The following GABRB2 variants were observed in gnomAD, a reference collection of about 807,000 sequenced individuals.
GABRB2 encodes the protein gamma-aminobutyric acid type A receptor subunit beta2.
GABRB2 carries 16 observed loss-of-function variants against 54.7 expected under a neutral mutation model. The ratio of observed to expected loss-of-function variants is 0.29; its 90% CI spans 0.20 to 0.44. The LOEUF (loss-of-function observed/expected upper bound fraction) is 0.44, where lower values mean the gene tolerates loss of function less well. Among genes scored for constraint, GABRB2 ranks in the 20% least tolerant of loss-of-function variants. The pLI is 1.00. For missense variants in GABRB2, 355 were observed against 644.0 expected (o/e 0.55, Z 4.86); for synonymous variants, 244 against 233.8 (o/e 1.04, Z -0.40).
At chr5:161,493,812 C>G (rs964002286) in intron 3 of GABRB2, among the ~76,000 whole-genome samples, 5 of 151,686 alleles carry the variant, frequency 3.3e-5, no homozygotes, top group Non-Finnish European at 7.4e-5. Context: ...CATGGACTAT[C>G]TTTTTAGAAT....
chr5:161,357,583 T>C (rs1347167188), intron 5 of GABRB2, among the ~76,000 whole-genome samples: 1 of 151,686 alleles, frequency 6.6e-6, no homozygotes, highest in African/African-American at 2.4e-5. Flanking sequence ...AGCTTCTTTG[T>C]TGGGAATGTT....
At chr5:161,308,538 G>A (rs949199637) in intron 9 of GABRB2, among the ~76,000 whole-genome samples, 2 of 152,054 alleles carry the variant, frequency 1.3e-5, no homozygotes, top group African/African-American at 2.4e-5. Context: ...GTACCAAAAA[G>A]GAGCCCAAAT....
rs1354559282 is a variant in GABRB2, at chr5:161,292,183, A to C, written c.*1898T>G. 1 of 152,236 alleles carries C rather than the reference A, an allele frequency of 6.6e-6. No homozygotes were observed. The highest frequency in any genetic ancestry group is 2.4e-5 in the African/African-American group (1 of 41,466). 9.4% of individuals were successfully genotyped at this position (152,236 alleles called of 1,614,324 possible). ...TGTTGTTCTTGGACAGCTGGAATGCAAGGGCAATAGTACTCCATCATATTC... is the reference window on the plus strand; with the variant it reads ...TGTTGTTCTTGGACAGCTGGAATGCCAGGGCAATAGTACTCCATCATATTC... On this transcript the variant is annotated 3_prime_UTR_variant, in exon 10 of 10. Coordinates refer to ENST00000393959, the MANE Select transcript of GABRB2 (RefSeq NM_001371727.1).
At chr5:161,311,872 C>T (rs911107356) in intron 9 of GABRB2, among the ~76,000 whole-genome samples, 1 of 152,090 alleles carries the variant, frequency 6.6e-6, no homozygotes, top group Non-Finnish European at 1.5e-5. Context: ...TCTTAGATCC[C>T]TTAAAGTTAT....
intron 5 of GABRB2, among the ~76,000 whole-genome samples, chr5:161,358,604 G>C (rs1369054176): frequency 6.6e-6 from 1 of 152,190 alleles, no homozygotes; most frequent in Non-Finnish European, 1.5e-5. Flanking sequence ...AAGATGGAGG[G>C]ATTATATTTA....
rs891359307 is a variant in GABRB2 at position 161,356,621 on chromosome 5, G to A, written c.542-19852C>T. Among the ~76,000 whole-genome samples the A allele has an allele frequency of 1.1e-4, 16 of 152,232 alleles. No individual in the cohort carries two copies. In the East Asian group the frequency reaches 1.9e-3, roughly 18 times the overall value. ...GAAAAGGTCATGGTTTGGAAAGGGC[G>A]GAGAGGATAGCAACAGAGAGAACAT... On this transcript the variant is annotated intron_variant, in intron 5 of 9. Transcript: ENST00000393959.
At chr5:161,404,627 C>G (rs1756292994) in intron 5 of GABRB2, among the ~76,000 whole-genome samples, 1 of 152,052 alleles carries the variant, frequency 6.6e-6, no homozygotes, top group African/African-American at 2.4e-5. Flanking sequence ...CTCATAGGCA[C>G]AAGTGTGAGA....
chr5:161,469,071 G>A (rs190915170), intron 3 of GABRB2, among the ~76,000 whole-genome samples: 1 of 151,820 alleles, frequency 6.6e-6, no homozygotes, highest in East Asian at 1.9e-4. Flanking sequence ...CATATAGATT[G>A]AGAAAATGTG....
chr5:161,417,900 C>T (rs1756726625), intron 4 of GABRB2, among the ~76,000 whole-genome samples: 2 of 152,166 alleles, frequency 1.3e-5, no homozygotes, highest in African/African-American at 2.4e-5. Context: ...CTTTAAAAGT[C>T]CTCATAGTCA....
chr5:161,316,014 T>C (rs1332558008), intron 9 of GABRB2, among the ~76,000 whole-genome samples: 2 of 152,202 alleles, frequency 1.3e-5, no homozygotes, highest in African/African-American at 4.8e-5. Flanking sequence ...TAAGTGTATA[T>C]AAATTGTACA....
intron 3 of GABRB2, among the ~76,000 whole-genome samples, chr5:161,493,112 A>G (rs1368978261): frequency 1.3e-5 from 2 of 151,848 alleles, no homozygotes; most frequent in African/African-American, 4.8e-5. Context: ...GATACATACT[A>G]TTAAATGGCA....
intron 9 of GABRB2, among the ~76,000 whole-genome samples, chr5:161,318,522 A>G: frequency 6.6e-6 from 1 of 152,026 alleles, no homozygotes. Flanking sequence ...TAAGAACTTA[A>G]ATTTGTTATG....
chr5:161,314,663 T>TTC (rs777351735), intron 9 of GABRB2, among the ~76,000 whole-genome samples: 4 of 151,718 alleles, frequency 2.6e-5, no homozygotes, highest in Admixed American at 1.3e-4. Flanking sequence ...GGAAAACAGT[T>TTC]TCTCTCTCTC....
At chr5:161,405,323 G>A (rs1482055611) in intron 5 of GABRB2, among the ~76,000 whole-genome samples, 1 of 151,986 alleles carries the variant, frequency 6.6e-6, no homozygotes, top group African/African-American at 2.4e-5. Context: ...ACTGAGCACA[G>A]TATTCCAGCA....
chr5:161,395,921 C>T (rs1755983666), intron 5 of GABRB2, among the ~76,000 whole-genome samples: 1 of 152,084 alleles, frequency 6.6e-6, no homozygotes, highest in Non-Finnish European at 1.5e-5. Context: ...AGTACTTGAT[C>T]TTTGGAGAAT....
intron 8 of GABRB2, 47 bp from the exon 9 acceptor site, chr5:161,326,528 C>T (rs1310365319): frequency 6.3e-7 from 1 of 1,590,806 alleles, no homozygotes; most frequent in Non-Finnish European, 8.6e-7. Context: ...ATTGATGCTA[C>T]TAGATTAGGC....
chr5:161,467,957 T>C (rs1161875923), intron 3 of GABRB2, among the ~76,000 whole-genome samples: 2 of 152,120 alleles, frequency 1.3e-5, no homozygotes, highest in Non-Finnish European at 2.9e-5. Flanking sequence ...AATGTGCATA[T>C]TCTTTGCTCT....
chr5:161,531,872 A>T (rs919197369), intron 3 of GABRB2, among the ~76,000 whole-genome samples: 3 of 152,090 alleles, frequency 2.0e-5, no homozygotes, highest in Non-Finnish European at 4.4e-5. Context: ...ACATAAATAA[A>T]TATTTATTTA....
At position 161,326,566 on chromosome 5, in the gene GABRB2, A is replaced by C. The variant is rs938227437; in HGVS notation, c.1078-85T>G. 9 of 1,450,908 alleles carry C rather than the reference A, an allele frequency of 6.2e-6. No homozygotes were observed. In the African/African-American group the frequency reaches 1.1e-4, roughly 18 times the overall value. The allele number at this position is 1,450,908 out of a possible 1,614,324, so 89.9% of individuals were successfully genotyped here. On this transcript the variant is annotated intron_variant, in intron 8 of 9. Transcript: ENST00000393959. The stretch of plus-strand genomic sequence containing the variant: ...GATGGTTAAAGTAAATTGGATATAG[A>C]TAAATGCTACTGGCCTTTAGAAATC...
Sources: gnomAD v4.1 joint callset for allele counts (sites outside exome capture counted in the v4.1 genomes callset) on GRCh38, gnomAD v4.1.1 for gene constraint, MANE v1.5 for transcripts, NCBI Gene and HGNC (gene_info 2026-07-23, HGNC 2026-07-21) for gene names.